The following RAB12 variants were observed in gnomAD, a reference collection of about 807,000 sequenced individuals.
The protein encoded by RAB12 is RAB12, member RAS oncogene family.
In RAB12, 11 loss-of-function variants were observed where a neutral mutation model predicts 28.4. The observed-to-expected ratio is 0.39, with a 90% CI of 0.24 to 0.64. The LOEUF (loss-of-function observed/expected upper bound fraction) is 0.64. Among genes scored for constraint, RAB12 ranks in the 30% least tolerant of loss-of-function variants. The probability of loss-of-function intolerance (pLI) is 0.50; values close to 1 mark genes in which losing one functional copy is unlikely to be tolerated. For missense variants in RAB12, 276 were observed against 351.1 expected (o/e 0.79, Z 1.71); for synonymous variants, 138 against 145.3 (o/e 0.95, Z 0.36).
intron 2 of RAB12, among the ~76,000 whole-genome samples, chr18:8,625,878 C>T (rs1447441864): frequency 1.3e-5 from 2 of 152,182 alleles, no homozygotes; most frequent in Admixed American, 6.5e-5. Context: ...TCATCTGTGG[C>T]ATCATCGGTC....
intron 2 of RAB12, among the ~76,000 whole-genome samples, chr18:8,630,767 G>A (rs1409482254): frequency 6.6e-6 from 1 of 152,236 alleles, no homozygotes; most frequent in Non-Finnish European, 1.5e-5. Context: ...AGGAGCAGTT[G>A]GGTAATAATG....
chr18:8,619,460 C>G (rs562238678), intron 1 of RAB12, among the ~76,000 whole-genome samples: 80 of 152,364 alleles, frequency 5.3e-4, no homozygotes, highest in African/African-American at 1.9e-3. Flanking sequence ...CCAGGGATTC[C>G]TCCCGCTGTT....
chr18:8,627,367 T>C (rs926182951), intron 2 of RAB12, among the ~76,000 whole-genome samples: 2 of 152,234 alleles, frequency 1.3e-5, no homozygotes, highest in Non-Finnish European at 2.9e-5. Flanking sequence ...TCGGTTTTCA[T>C]AGGAGGATCT....
At chr18:8,637,548 C>T (rs547328754) in intron 5 of RAB12, among the ~76,000 whole-genome samples, 8 of 152,120 alleles carry the variant, frequency 5.3e-5, no homozygotes, top group East Asian at 3.9e-4. Context: ...TGATCTTTAA[C>T]GATCGGAGGA....
At chr18:8,620,164 T>TTTTTG (rs1241560251) in intron 1 of RAB12, among the ~76,000 whole-genome samples, 2 of 55,338 alleles carry the variant, frequency 3.6e-5, no homozygotes, top group African/African-American at 1.0e-4. Flanking sequence ...TTTTTTTGCT[T>TTTTTG]CAAAAAAAAA....
At chr18:8,636,448 A>G (rs2096018993) in intron 5 of RAB12, 91 bp downstream of exon 5, 4 of 798,020 alleles carry the variant, frequency 5.0e-6, no homozygotes, top group Non-Finnish European at 7.8e-6. Flanking sequence ...GTATTTAGAA[A>G]CCAAAATACA....
At chr18:8,612,178 G>C (rs1224766712) in intron 1 of RAB12, among the ~76,000 whole-genome samples, 2 of 152,366 alleles carry the variant, frequency 1.3e-5, no homozygotes, top group South Asian at 4.1e-4. Flanking sequence ...CCGCTTGTCA[G>C]GGCAGTGACA....
In RAB12 at chr18:8,635,641, C is replaced by A; in HGVS notation, c.804+19C>A. 1 of 1,535,466 alleles carries A rather than the reference C, an allele frequency of 6.5e-7. No homozygotes were observed. Among genetic ancestry groups the A allele is most frequent in the Non-Finnish European group, 9.0e-7 (1 of 1,117,044 alleles). On this transcript the variant is annotated intron_variant, in intron 4 of 5. Coordinates refer to ENST00000649141, the MANE Select transcript of RAB12 (RefSeq NM_001025300.3). ...GGAAAAGGTGAGAGGGCGTGGGAGG[C>A]ACGGTTGCCACACACTGTGCTTAGC...
chr18:8,635,657 T>G, intron 4 of RAB12, 35 bp downstream of exon 4: 1 of 1,376,624 alleles, frequency 7.3e-7, no homozygotes. Flanking sequence ...TGCCACACAC[T>G]GTGCTTAGCG....
At chr18:8,625,056 T>C in intron 2 of RAB12, 58 bp downstream of exon 2, 2 of 1,109,114 alleles carry the variant, frequency 1.8e-6, no homozygotes, top group Non-Finnish European at 2.7e-6. Context: ...GTCCATGTAC[T>C]TGTCTAATAA....
chr18:8,613,956 G>A (rs557542623), intron 1 of RAB12, among the ~76,000 whole-genome samples: 4 of 152,314 alleles, frequency 2.6e-5, no homozygotes, highest in East Asian at 1.9e-4. Context: ...AGATGAGGAC[G>A]AGAAGTCTCA....
intron 2 of RAB12, among the ~76,000 whole-genome samples, chr18:8,632,566 C>G (rs887923139): frequency 6.6e-6 from 1 of 152,170 alleles, no homozygotes; most frequent in African/African-American, 2.4e-5. Context: ...ATGTGCCCCA[C>G]GCCTGCCCCC....
At chr18:8,621,787 G>T (rs1037722303) in intron 1 of RAB12, among the ~76,000 whole-genome samples, 1 of 145,370 alleles carries the variant, frequency 6.9e-6, no homozygotes, top group African/African-American at 2.5e-5. Flanking sequence ...TCACCCTCAG[G>T]TAGGCCCCAG....
At chr18:8,622,820 C>G (rs2096010632) in intron 1 of RAB12, among the ~76,000 whole-genome samples, 1 of 152,144 alleles carries the variant, frequency 6.6e-6, no homozygotes, top group African/African-American at 2.4e-5. Flanking sequence ...CCAGGGCCCC[C>G]CGCCACCCCG....
intron 1 of RAB12, among the ~76,000 whole-genome samples, chr18:8,610,418 A>G (rs2096003133): frequency 6.6e-6 from 1 of 152,256 alleles, no homozygotes; most frequent in Admixed American, 6.5e-5. Context: ...CAAGAAATGA[A>G]GTTTAAAGTC....
At chr18:8,615,485 A>G (rs1004207378) in intron 1 of RAB12, among the ~76,000 whole-genome samples, 5 of 152,250 alleles carry the variant, frequency 3.3e-5, no homozygotes, top group Non-Finnish European at 7.3e-5. Flanking sequence ...AAAATCATCC[A>G]GAATTCCCAC....
chr18:8,614,128 TA>T (rs2096005421), intron 1 of RAB12, among the ~76,000 whole-genome samples: 2 of 152,214 alleles, frequency 1.3e-5, no homozygotes, highest in South Asian at 4.1e-4. Flanking sequence ...CTCACACACA[TA>T]AAGGTCAGAC....
Position 8,633,259 on chromosome 18 carries a change from T to G in RAB12, c.646T>G (p.Leu216Val). 1 of 1,614,026 alleles carries G rather than the reference T, an allele frequency of 6.2e-7. No homozygotes were observed. Among genetic ancestry groups the G allele is most frequent in the Non-Finnish European group, 8.5e-7 (1 of 1,179,922 alleles). Reference sequence around the variant, plus strand: ...TTACAGAAGTGCCAAGGGGATCATATTAGTATATGATATCACTAAGAAGGA... The same window carrying G: ...TTACAGAAGTGCCAAGGGGATCATAGTAGTATATGATATCACTAAGAAGGA... ...AYYRSAKGII[L>V]VYDITKKETF... Residue 216 changes from leucine (L) to valine (V), a missense_variant, in exon 3 of 6, where the codon TTA (leucine) becomes GTA (valine). Physicochemically the swap from Leu to Val is conservative, Grantham distance 32 (BLOSUM62 1). Transcript: ENST00000649141.
At chr18:8,609,993 G>T in intron 1 of RAB12, 40 bp downstream of exon 1, 2 of 1,512,316 alleles carry the variant, frequency 1.3e-6, no homozygotes, top group Non-Finnish European at 1.8e-6. Context: ...GCCTCCTGGC[G>T]CCCGGGCAGG....
Sources: gnomAD v4.1 joint callset for allele counts (sites outside exome capture counted in the v4.1 genomes callset) on GRCh38, gnomAD v4.1.1 for gene constraint, MANE v1.5 for transcripts, NCBI Gene and HGNC (gene_info 2026-07-23, HGNC 2026-07-21) for gene names.